ARHGAP25: variants seen among roughly 807,000 people sequenced by gnomAD.
ARHGAP25 encodes the protein rho GTPase-activating protein 25.
In ARHGAP25, 34 loss-of-function variants were observed where a neutral mutation model predicts 71.0. The ratio of observed to expected loss-of-function variants is 0.48; its 90% CI spans 0.36 to 0.64. ARHGAP25 has a LOEUF of 0.64. ARHGAP25 is among the 30% of genes least tolerant of loss of function. The pLI is 0.00. For missense variants in ARHGAP25, 706 were observed against 805.1 expected (o/e 0.88, Z 1.49); for synonymous variants, 282 against 296.5 (o/e 0.95, Z 0.50).
intron 1 of ARHGAP25, among the ~76,000 whole-genome samples, chr2:68,760,760 C>T (rs1409276420): frequency 6.6e-6 from 1 of 151,378 alleles, no homozygotes; most frequent in African/African-American, 2.4e-5. Flanking sequence ...TCCAAACCAA[C>T]CTACAGATTT....
intron 1 of ARHGAP25, among the ~76,000 whole-genome samples, chr2:68,750,322 CTTTTT>C (rs367795010): frequency 2.9e-5 from 4 of 139,460 alleles, no homozygotes; most frequent in Non-Finnish European, 3.1e-5. Context: ...CATGAAGCCA[CTTTTT>C]TTTTTTTTTT....
intron 1 of ARHGAP25, among the ~76,000 whole-genome samples, chr2:68,750,504 A>G (rs1222903164): frequency 6.6e-6 from 1 of 151,876 alleles, no homozygotes; most frequent in African/African-American, 2.4e-5. Flanking sequence ...TATTTTTAGT[A>G]GAGACTGGGT....
chr2:68,813,404 T>C lies in ARHGAP25; in HGVS notation c.792T>C (p.Asn264=). 6.2e-7 allele frequency: 1 copy of C among 1,613,004 alleles called. No individual in the cohort carries two copies. Among genetic ancestry groups the C allele is most frequent in the Non-Finnish European group, 8.5e-7 (1 of 1,179,704 alleles). Residue 264 remains asparagine (N), a synonymous_variant, in exon 6 of 11, where the codon AAT becomes AAC. Coordinates refer to ENST00000409202, the MANE Select transcript of ARHGAP25 (RefSeq NM_001007231.3). The part of the protein sequence containing the change: ...EGFLLCGQLT[N]ADEAKAQQEL... ...TCCTGCTCTGTGGGCAGCTCACGAA[T>C]GCGGATGAGGCAAAGGTTTGCATCT...
chr2:68,740,686 A>G (rs1279696683), intron 1 of ARHGAP25, among the ~76,000 whole-genome samples: 4 of 152,194 alleles, frequency 2.6e-5, no homozygotes, highest in Non-Finnish European at 5.9e-5. Flanking sequence ...TCTCAATACT[A>G]TGGACTTCCT....
At chr2:68,791,286 T>C (rs951773343) in intron 4 of ARHGAP25, among the ~76,000 whole-genome samples, 2 of 152,174 alleles carry the variant, frequency 1.3e-5, no homozygotes, top group Admixed American at 6.5e-5. Context: ...CAGGAATTGT[T>C]TTTCTCTTTT....
chr2:68,758,470 A>G (rs992117176), intron 1 of ARHGAP25, among the ~76,000 whole-genome samples: 3 of 151,998 alleles, frequency 2.0e-5, no homozygotes, highest in African/African-American at 7.2e-5. Flanking sequence ...ACTAATATCA[A>G]AGAAAATGAA....
At chr2:68,774,373 T>TA (rs2104371555) in intron 1 of ARHGAP25, among the ~76,000 whole-genome samples, 1 of 152,202 alleles carries the variant, frequency 6.6e-6, no homozygotes, top group South Asian at 2.1e-4. Context: ...AGGCTGGACT[T>TA]ACTCGAATGA....
At chr2:68,768,808 A>G (rs1299834525) in intron 1 of ARHGAP25, among the ~76,000 whole-genome samples, 1 of 152,108 alleles carries the variant, frequency 6.6e-6, no homozygotes, top group Non-Finnish European at 1.5e-5. Context: ...CTCACACTTT[A>G]TCATGTCCAG....
Position 68,767,826 on chromosome 2 carries a change from G to A in ARHGAP25, c.62-7395G>A, listed in dbSNP as rs184363487. Among the ~76,000 whole-genome samples, 8 of 152,258 alleles carry A rather than the reference G, an allele frequency of 5.3e-5. No homozygotes were observed. The highest frequency in any genetic ancestry group is 4.4e-5 in the Non-Finnish European group (3 of 67,996). ...TGAGCCTTGCAGAGCATACACTGGCGGAAATAGCACAAAATTGTTTGTGCA... is the reference window on the plus strand; with the variant it reads ...TGAGCCTTGCAGAGCATACACTGGCAGAAATAGCACAAAATTGTTTGTGCA... On this transcript the variant is annotated intron_variant, in intron 1 of 10. Coordinates refer to ENST00000409202, the MANE Select transcript of ARHGAP25 (RefSeq NM_001007231.3). This position sits in a 1 kb window ranked among gnomAD's most constrained non-coding sequence, Gnocchi z 4.6.
intron 2 of ARHGAP25, among the ~76,000 whole-genome samples, chr2:68,720,455 T>C (rs969367957): frequency 8.5e-5 from 13 of 152,140 alleles, no homozygotes; most frequent in African/African-American, 2.7e-4. Context: ...AATCACTTTG[T>C]TGTTGGTATC....
At chr2:68,783,536 C>A (rs1678504545) in intron 3 of ARHGAP25, among the ~76,000 whole-genome samples, 1 of 151,474 alleles carries the variant, frequency 6.6e-6, no homozygotes, top group Admixed American at 6.6e-5. Flanking sequence ...GATCTGGGCT[C>A]ACTGCAGCCT....
chr2:68,722,693 G>C (rs968791018), intron 2 of ARHGAP25, among the ~76,000 whole-genome samples: 2 of 152,150 alleles, frequency 1.3e-5, no homozygotes, highest in Non-Finnish European at 2.9e-5. Context: ...CAGGCAGTGA[G>C]CTGAAGAGGT....
chr2:68,756,721 C>A (rs1676500762), intron 1 of ARHGAP25, among the ~76,000 whole-genome samples: 1 of 152,148 alleles, frequency 6.6e-6, no homozygotes, highest in African/African-American at 2.4e-5. Context: ...GTTACCATAT[C>A]ATTAGATTCA....
chr2:68,791,185 A>G (rs777540453), intron 4 of ARHGAP25, among the ~76,000 whole-genome samples: 8 of 152,188 alleles, frequency 5.3e-5, no homozygotes, highest in Non-Finnish European at 1.0e-4. Context: ...TCCTTGGCAC[A>G]TAACCTCTTC....
intron 1 of ARHGAP25, among the ~76,000 whole-genome samples, chr2:68,748,128 A>C (rs115149899): frequency 1.3e-5 from 2 of 152,122 alleles, no homozygotes; most frequent in Non-Finnish European, 2.9e-5. Context: ...ACCCACCTGT[A>C]GTCCTCTGCT....
Position 68,767,585 on chromosome 2 carries a change from C to T in ARHGAP25, c.62-7636C>T, listed in dbSNP as rs779191877. ...TGGTGTGGGCCTGACTGCCGGCCCA[C>T]GGTAGCTTAGCTCACTCTCTCTCCC... is the stretch of plus-strand genomic sequence containing the variant. On this transcript the variant is annotated intron_variant, in intron 1 of 10. Transcript: ENST00000409202. The surrounding 1 kb of genome is among the most constrained non-coding windows in gnomAD (Gnocchi z 4.6). Among the ~76,000 whole-genome samples the T allele has an allele frequency of 6.6e-5, 10 of 152,242 alleles. No homozygotes were observed. Among genetic ancestry groups the T allele is most frequent in the South Asian group, 4.1e-4 (2 of 4,822 alleles).
At chr2:68,803,050 T>C (rs17035938) in intron 4 of ARHGAP25, among the ~76,000 whole-genome samples, 3,110 of 152,000 alleles carry the variant, frequency 0.02, 92 homozygotes, top group East Asian at 0.13. Flanking sequence ...ATATGCAGAT[T>C]AATAAGTTAT....
intron 1 of ARHGAP25, among the ~76,000 whole-genome samples, chr2:68,750,321 ACT>A (rs1676083927): frequency 3.0e-5 from 2 of 66,818 alleles, no homozygotes; most frequent in Non-Finnish European, 5.8e-5. Context: ...CCATGAAGCC[ACT>A]TTTTTTTTTT....
intron 1 of ARHGAP25, among the ~76,000 whole-genome samples, chr2:68,749,086 C>G (rs1276648708): frequency 1.3e-5 from 2 of 151,820 alleles, no homozygotes; most frequent in Admixed American, 1.3e-4. Context: ...AGAGAGATAC[C>G]AGCATACAGG....
Sources: gnomAD v4.1 joint callset for allele counts (sites outside exome capture counted in the v4.1 genomes callset) on GRCh38, gnomAD v4.1.1 for gene constraint, Gnocchi (gnomAD v3.1) non-coding constraint, MANE v1.5 for transcripts, NCBI Gene and HGNC (gene_info 2026-07-23, HGNC 2026-07-21) for gene names.